The following MGAT5 variants were observed in gnomAD, a reference collection of about 807,000 sequenced individuals.
MGAT5 encodes the protein alpha-1,6-mannosylglycoprotein 6-beta-N-acetylglucosaminyltransferase A.
MGAT5 carries 30 observed loss-of-function variants against 94.3 expected under a neutral mutation model. The ratio of observed to expected loss-of-function variants is 0.32; its 90% CI spans 0.24 to 0.43. MGAT5 has a LOEUF of 0.43. Ranked by LOEUF, MGAT5 falls within the 20% of genes least tolerant of loss-of-function variation. The pLI is 1.00. For missense variants in MGAT5, 691 were observed against 905.5 expected (o/e 0.76, Z 3.04); for synonymous variants, 310 against 322.9 (o/e 0.96, Z 0.43).
At chr2:134,403,625 C>T (rs191401982) in intron 11 of MGAT5, among the ~76,000 whole-genome samples, 216 of 152,300 alleles carry the variant, frequency 1.4e-3, no homozygotes, top group African/African-American at 4.8e-3. Context: ...GCTCAGGAAG[C>T]AGAGCAAGCA....
At chr2:134,400,790 C>T (rs1044037656) in intron 10 of MGAT5, among the ~76,000 whole-genome samples, 1 of 152,198 alleles carries the variant, frequency 6.6e-6, no homozygotes, top group African/African-American at 2.4e-5. Flanking sequence ...GGAGAGATGC[C>T]TGTCCCCACC....
At chr2:134,125,844 C>T (rs1157684884) in intron 1 of MGAT5, among the ~76,000 whole-genome samples, 3 of 152,148 alleles carry the variant, frequency 2.0e-5, no homozygotes, top group Non-Finnish European at 4.4e-5. Context: ...TTTCTCATGT[C>T]ACCTTTTAAG....
intron 1 of MGAT5, among the ~76,000 whole-genome samples, chr2:134,204,986 A>T (rs1185238034): frequency 6.6e-6 from 1 of 152,200 alleles, no homozygotes; most frequent in Non-Finnish European, 1.5e-5. Flanking sequence ...GGAAAGGATG[A>T]TAATACATAG....
At chr2:134,383,139 T>C (rs1681737325) in intron 10 of MGAT5, among the ~76,000 whole-genome samples, 1 of 152,240 alleles carries the variant, frequency 6.6e-6, no homozygotes, top group South Asian at 2.1e-4. Context: ...TTACCTGACA[T>C]TTTAAAGAGA....
intron 10 of MGAT5, 50 bp from the exon 11 acceptor site, chr2:134,402,938 A>T (rs1558860665): frequency 6.5e-7 from 1 of 1,532,324 alleles, no homozygotes; most frequent in African/African-American, 1.4e-5. Context: ...ACAGGTTGTT[A>T]TGCAAATGAA....
chr2:134,230,294 A>G (rs980740624), intron 1 of MGAT5, among the ~76,000 whole-genome samples: 5 of 152,170 alleles, frequency 3.3e-5, no homozygotes, highest in African/African-American at 1.2e-4. Context: ...TCAGGTGGTA[A>G]TGCTCACTTG....
At chr2:134,204,286 A>C (rs1288419910) in intron 1 of MGAT5, among the ~76,000 whole-genome samples, 3 of 152,172 alleles carry the variant, frequency 2.0e-5, no homozygotes, top group Admixed American at 6.5e-5. Context: ...ACTGGGCCTT[A>C]CTGCTGTTGG....
At chr2:134,232,136 C>T (rs888400173) in intron 1 of MGAT5, among the ~76,000 whole-genome samples, 4 of 152,194 alleles carry the variant, frequency 2.6e-5, no homozygotes, top group African/African-American at 9.7e-5. Context: ...TCATTGCCCA[C>T]TGTCCTGCTG....
intron 9 of MGAT5, among the ~76,000 whole-genome samples, chr2:134,350,918 CA>C (rs1002498330): frequency 1.2e-4 from 19 of 152,216 alleles, no homozygotes; most frequent in African/African-American, 4.3e-4. Flanking sequence ...AAACAAGACC[CA>C]AAAGACCCCT....
At chr2:134,402,900 T>A in intron 10 of MGAT5, 88 bp from the exon 11 acceptor site, 2 of 1,323,320 alleles carry the variant, frequency 1.5e-6, no homozygotes, top group Non-Finnish European at 2.0e-6. Context: ...GTCTGTGGCC[T>A]CTAGTCTTAG....
chr2:134,403,587 A>C (rs1039220584), intron 11 of MGAT5, among the ~76,000 whole-genome samples: 1 of 152,204 alleles, frequency 6.6e-6, no homozygotes, highest in African/African-American at 2.4e-5. Flanking sequence ...ACAGTGAAGA[A>C]GTTCAGATGA....
chr2:134,185,291 C>A (rs1167324677), intron 1 of MGAT5, among the ~76,000 whole-genome samples: 4 of 152,192 alleles, frequency 2.6e-5, no homozygotes, highest in Non-Finnish European at 5.9e-5. Flanking sequence ...AGGATAAGAA[C>A]TATGCCTTTC....
In MGAT5 at chr2:134,441,812, C is replaced by T; in HGVS notation, c.1924C>T (p.Leu642Phe). The stretch of plus-strand genomic sequence containing the variant: ...ACCCCTCAGCGCCCTACAGGTCAAG[C>T]TTGCTGAGCCCGGGCAGTCCTGCAA... ...WPPLSALQVKLAEPGQSCKQV... is the reference protein window; with the variant it reads ...WPPLSALQVKFAEPGQSCKQV... Residue 642 changes from leucine to phenylalanine, a missense_variant, in exon 15 of 16, where the codon CTT becomes TTT. By Grantham distance (22) the Leu-to-Phe change is conservative. This residue lies in a region of MGAT5 where 260 missense variants were observed against 347.0 expected (regional missense o/e 0.75). Coordinates refer to ENST00000281923, the MANE Select transcript of MGAT5 (RefSeq NM_002410.5). 1.2e-6 allele frequency: 2 copies of T among 1,614,112 alleles called. No homozygotes were observed. Among genetic ancestry groups the T allele is most frequent in the Non-Finnish European group, 1.7e-6 (2 of 1,179,992 alleles).
chr2:134,193,719 G>GTA (rs1368772043), intron 1 of MGAT5, among the ~76,000 whole-genome samples: 24 of 143,586 alleles, frequency 1.7e-4, no homozygotes, highest in African/African-American at 6.6e-4. Flanking sequence ...GTGTGTGTGT[G>GTA]TGTGTGTGTT....
At chr2:134,157,022 C>A (rs1687511511) in intron 1 of MGAT5, among the ~76,000 whole-genome samples, 1 of 152,096 alleles carries the variant, frequency 6.6e-6, no homozygotes. Flanking sequence ...TATGGAGGAA[C>A]CAAAATCATC....
intron 14 of MGAT5, among the ~76,000 whole-genome samples, chr2:134,437,833 G>T (rs1685253275): frequency 6.6e-6 from 1 of 152,018 alleles, no homozygotes; most frequent in African/African-American, 2.4e-5. Flanking sequence ...TGGCAAACAT[G>T]GCGAAACCCC....
chr2:134,241,627 A>G (rs1458582254), intron 1 of MGAT5, among the ~76,000 whole-genome samples: 1 of 152,250 alleles, frequency 6.6e-6, no homozygotes, highest in East Asian at 1.9e-4. Flanking sequence ...ATTAGCAAAG[A>G]TAGTATCAAA....
At chr2:134,339,093 A>C (rs1688491637) in intron 6 of MGAT5, among the ~76,000 whole-genome samples, 1 of 152,168 alleles carries the variant, frequency 6.6e-6, no homozygotes, top group South Asian at 2.1e-4. Context: ...TCCTAATCCA[A>C]CTAATTTGAT....
At chr2:134,343,956 G>C (rs1688777031) in intron 7 of MGAT5, among the ~76,000 whole-genome samples, 1 of 152,172 alleles carries the variant, frequency 6.6e-6, no homozygotes, top group South Asian at 2.1e-4. Context: ...GGAGGAAACT[G>C]GTTCTGCAGA....
Sources: gnomAD v4.1 joint callset for allele counts (sites outside exome capture counted in the v4.1 genomes callset) on GRCh38, gnomAD v4.1.1 for gene constraint, gnomAD v4.1.1 regional missense constraint, MANE v1.5 for transcripts, NCBI Gene and HGNC (gene_info 2026-07-23, HGNC 2026-07-21) for gene names.